KLRG1: variants seen among roughly 807,000 people sequenced by gnomAD.
KLRG1 encodes the protein killer cell lectin like receptor G1.
Under a neutral mutation model 21.8 loss-of-function variants are expected in KLRG1, and 16 were observed. That is an observed-to-expected ratio of 0.73 (90% confidence interval 0.50 to 1.11). The LOEUF (loss-of-function observed/expected upper bound fraction) is 1.11. Among genes scored for constraint, KLRG1 ranks in the 50% most tolerant of loss-of-function variants. The pLI, the probability that KLRG1 is intolerant of heterozygous loss-of-function variation, is 0.00. For synonymous variants in KLRG1, 69 were observed against 75.9 expected (o/e 0.91, Z 0.47); for missense variants, 173 against 218.3 (o/e 0.79, Z 1.31).
the KLRG1 span, chr12:9,098,414 C>A: frequency 3.1e-6 from 1 of 326,054 alleles, no homozygotes; most frequent in Non-Finnish European, 5.1e-6. Context: ...ATTTTTTTAA[C>A]TGCAGAAGTG....
At chr12:9,132,958 G>A in the KLRG1 span, among the ~76,000 whole-genome samples, 1 of 152,118 alleles carries the variant, frequency 6.6e-6, no homozygotes, top group Non-Finnish European at 1.5e-5. Flanking sequence ...AACTGGTATA[G>A]CTAAACTAAT....
the KLRG1 span, chr12:9,182,220 A>C: frequency 9.0e-7 from 1 of 1,115,248 alleles, no homozygotes; most frequent in Non-Finnish European, 1.2e-6. Context: ...CCACTTGAGA[A>C]CTGCGTCCAT....
At chr12:9,170,067 T>A in the KLRG1 span, 1 of 152,256 alleles carries the variant, frequency 6.6e-6, no homozygotes, top group East Asian at 1.9e-4. This position sits in a 1 kb window ranked among gnomAD's most constrained non-coding sequence, Gnocchi z 4.6. Flanking sequence ...ATGAAAAAGC[T>A]TATTAAATGC....
chr12:9,009,137 T>C, intron 4 of KLRG1, 62 bp downstream of exon 4: 2 of 1,258,234 alleles, frequency 1.6e-6, no homozygotes, highest in Middle Eastern at 1.9e-4. Flanking sequence ...CAAATTATGA[T>C]ACTTGGGGAA....
chr12:9,031,991 A>G, the KLRG1 span, among the ~76,000 whole-genome samples: 1 of 152,202 alleles, frequency 6.6e-6, no homozygotes, highest in African/African-American at 2.4e-5. Flanking sequence ...GAATCTACTC[A>G]GTCCACTAAT....
chr12:8,990,730 T>C (rs1393205623), intron 1 of KLRG1, among the ~76,000 whole-genome samples: 3 of 152,150 alleles, frequency 2.0e-5, no homozygotes, highest in Non-Finnish European at 4.4e-5. Flanking sequence ...GTTGGAACTA[T>C]TTAGAGGCTT....
chr12:9,106,348 G>GA, the KLRG1 span: 1 of 1,576,896 alleles, frequency 6.3e-7, no homozygotes, highest in Non-Finnish European at 8.7e-7. Flanking sequence ...TTCCACCACT[G>GA]AAAAAAGAGA....
the KLRG1 span, among the ~76,000 whole-genome samples, chr12:9,033,440 T>TA: frequency 4.8e-4 from 71 of 147,908 alleles, no homozygotes; most frequent in East Asian, 8.3e-3. Context: ...ATGAGACTCT[T>TA]TAAAAAAAAA....
chr12:9,010,100 C>A lies in KLRG1; in HGVS notation c.*563C>A. The A allele has an allele frequency of 1.6e-6, 2 of 1,253,548 alleles. No individual in the cohort carries two copies. Among genetic ancestry groups the A allele is most frequent in the South Asian group, 1.3e-5 (1 of 77,086 alleles). The allele number at this position is 1,253,548 out of a possible 1,614,324, so 77.7% of individuals were successfully genotyped here. On this transcript the variant is annotated 3_prime_UTR_variant, in exon 5 of 5. Coordinates refer to ENST00000356986, the MANE Select transcript of KLRG1 (RefSeq NM_005810.4). ...ATTTGGGAAGCTGAGGTGGGAGGGTCGCTTGAGCCCAGGAGTTTGAGGCTG... is the reference window on the plus strand; with the variant it reads ...ATTTGGGAAGCTGAGGTGGGAGGGTAGCTTGAGCCCAGGAGTTTGAGGCTG...
intron 1 of KLRG1, among the ~76,000 whole-genome samples, chr12:8,971,739 C>T (rs1358062010): frequency 1.3e-5 from 2 of 152,186 alleles, no homozygotes; most frequent in East Asian, 1.9e-4. Context: ...GATCCGCCTG[C>T]CTCGGCCTCC....
chr12:8,974,358 G>A (rs1042299887), intron 1 of KLRG1, among the ~76,000 whole-genome samples: 5 of 151,908 alleles, frequency 3.3e-5, no homozygotes, highest in Admixed American at 6.6e-5. Flanking sequence ...TAGTAGAGAC[G>A]GGGTTTCACC....
intron 1 of KLRG1, among the ~76,000 whole-genome samples, chr12:8,963,714 C>G (rs1412088881): frequency 6.6e-6 from 1 of 152,118 alleles, no homozygotes; most frequent in Admixed American, 6.6e-5. Context: ...AATTTCAGAG[C>G]CTGTTATTGG....
chr12:9,126,218 T>G, the KLRG1 span, among the ~76,000 whole-genome samples: 1 of 152,248 alleles, frequency 6.6e-6, no homozygotes, highest in Admixed American at 6.5e-5. Flanking sequence ...ACTAGTTTCA[T>G]TTTCTGAAGT....
intron 1 of KLRG1, among the ~76,000 whole-genome samples, chr12:8,955,446 G>A (rs188989169): frequency 1.5e-5 from 2 of 131,184 alleles, no homozygotes; most frequent in South Asian, 2.5e-4. Flanking sequence ...GCTGGAGTGC[G>A]ATGGTGCAAA....
At chr12:9,153,908 T>G in the KLRG1 span, among the ~76,000 whole-genome samples, 1 of 152,196 alleles carries the variant, frequency 6.6e-6, no homozygotes, top group East Asian at 1.9e-4. Context: ...GATAAAATAC[T>G]TTTAGAATTA....
the KLRG1 span, among the ~76,000 whole-genome samples, chr12:9,174,846 C>T: frequency 2.0e-5 from 3 of 152,092 alleles, no homozygotes; most frequent in East Asian, 1.9e-4. Flanking sequence ...TCCATCCTCA[C>T]GCATAAGAAG....
rs1592285064 is a variant in KLRG1, at chr12:9,009,674, G to A, written c.*137G>A. The A allele has an allele frequency of 6.9e-7, 1 of 1,440,472 alleles. No individual in the cohort carries two copies. Among genetic ancestry groups the A allele is most frequent in the East Asian group, 2.5e-5 (1 of 39,926 alleles). The allele number at this position is 1,440,472 out of a possible 1,614,324, so 89.2% of individuals were successfully genotyped here. A position where few individuals can be genotyped will look rare whatever the true frequency, so the allele number is the denominator to read the frequency against. On this transcript the variant is annotated 3_prime_UTR_variant, in exon 5 of 5. Transcript: ENST00000356986. ...TTCTCAGATATGGCATTAGATGCAA[G>A]ACAACCTCCTAGGGATTGATGCCTA... is the stretch of plus-strand genomic sequence containing the variant.
chr12:9,019,347 G>C, the KLRG1 span, among the ~76,000 whole-genome samples: 1 of 152,034 alleles, frequency 6.6e-6, no homozygotes, highest in Non-Finnish European at 1.5e-5. Flanking sequence ...AACCACTGTG[G>C]ACAACAATAT....
chr12:9,027,904 G>A, the KLRG1 span: 15 of 869,218 alleles, frequency 1.7e-5, no homozygotes, highest in East Asian at 4.8e-5. Flanking sequence ...GAACCATTTC[G>A]ACCTCTTTGG....
Sources: allele counts gnomAD v4.1 joint callset (sites outside exome capture counted in the v4.1 genomes callset), GRCh38; gene constraint gnomAD v4.1.1; non-coding constraint Gnocchi (gnomAD v3.1); transcripts MANE v1.5; gene names NCBI Gene and HGNC (gene_info 2026-07-23, HGNC 2026-07-21).